Variants in NFAT5 observed in about 807,000 individuals in gnomAD.
The protein encoded by NFAT5 is nuclear factor of activated T cells 5, also known as nuclear factor of activated T-cells 5.
A neutral mutation model predicts 166.5 loss-of-function variants in NFAT5; 31 were observed. The observed-to-expected ratio is 0.19, with a 90% CI of 0.14 to 0.25. The LOEUF (loss-of-function observed/expected upper bound fraction) is 0.25. Among genes scored for constraint, NFAT5 ranks in the 10% least tolerant of loss-of-function variants. The pLI, the probability that NFAT5 is intolerant of heterozygous loss-of-function variation, is 1.00. For synonymous variants in NFAT5, 612 were observed against 639.7 expected (o/e 0.96, Z 0.65); for missense variants, 1,449 against 1,821.8 (o/e 0.80, Z 3.72).
chr16:69,681,178 A>C (rs2037044405), intron 10 of NFAT5, among the ~76,000 whole-genome samples: 2 of 152,206 alleles, frequency 1.3e-5, no homozygotes. Context: ...CTATCTCAGT[A>C]TGACAAACTA....
At chr16:69,582,681 T>C (rs2031776062) in intron 2 of NFAT5, among the ~76,000 whole-genome samples, 1 of 151,334 alleles carries the variant, frequency 6.6e-6, no homozygotes, top group Non-Finnish European at 1.5e-5. Flanking sequence ...TGTATGGCTT[T>C]TTTTTTTTTT....
intron 2 of NFAT5, among the ~76,000 whole-genome samples, chr16:69,584,811 G>T (rs2031937652): frequency 6.6e-6 from 1 of 151,996 alleles, no homozygotes; most frequent in South Asian, 2.1e-4. Context: ...TTTTGGTGGT[G>T]GATGCACAGC....
chr16:69,604,295 A>C (rs1395467547), intron 2 of NFAT5, among the ~76,000 whole-genome samples: 1 of 152,174 alleles, frequency 6.6e-6, no homozygotes, highest in Non-Finnish European at 1.5e-5. Flanking sequence ...AGGATCTAGC[A>C]CTGCTCTTGG....
intron 4 of NFAT5, chr16:69,648,937 A>G (rs147659823): frequency 2.1e-6 from 2 of 974,382 alleles, no homozygotes; most frequent in Admixed American, 6.2e-5. Flanking sequence ...CCTTTAAGCA[A>G]TAATTACTCT....
intron 8 of NFAT5, 26 bp from the exon 9 acceptor site, chr16:69,670,210 A>C: frequency 1.3e-6 from 2 of 1,505,854 alleles, no homozygotes; most frequent in Non-Finnish European, 1.8e-6. Context: ...TCAAAAATTT[A>C]ATAAATCACT....
intron 1 of NFAT5, among the ~76,000 whole-genome samples, chr16:69,568,078 C>G (rs1197378132): frequency 6.6e-6 from 1 of 152,020 alleles, no homozygotes; most frequent in Non-Finnish European, 1.5e-5. Context: ...TGTGGGAGGC[C>G]GAGGCAGTTG....
chr16:69,640,818 C>T (rs1401470042), intron 3 of NFAT5, among the ~76,000 whole-genome samples: 4 of 151,698 alleles, frequency 2.6e-5, no homozygotes, highest in Non-Finnish European at 5.9e-5. Context: ...CCTGTCTCTA[C>T]TAAAAATACA....
intron 3 of NFAT5, among the ~76,000 whole-genome samples, chr16:69,645,913 C>T (rs1024822993): frequency 1.3e-5 from 2 of 152,142 alleles, no homozygotes; most frequent in South Asian, 2.1e-4. Flanking sequence ...ATTTTCAGTG[C>T]GCTATTCTGC....
chr16:69,614,541 T>C (rs576904492), intron 2 of NFAT5, among the ~76,000 whole-genome samples: 4 of 152,244 alleles, frequency 2.6e-5, no homozygotes, highest in Non-Finnish European at 5.9e-5. Flanking sequence ...GTTGTGAATA[T>C]AGTGCAAATA....
At chr16:69,577,764 G>A (rs979240158) in intron 2 of NFAT5, among the ~76,000 whole-genome samples, 1 of 152,194 alleles carries the variant, frequency 6.6e-6, no homozygotes. Context: ...TTTAAAATGG[G>A]TGCATTTCTA....
intron 10 of NFAT5, among the ~76,000 whole-genome samples, chr16:69,683,443 A>T (rs1399629095): frequency 6.6e-6 from 1 of 151,928 alleles, no homozygotes; most frequent in Non-Finnish European, 1.5e-5. Context: ...GAGGTGGGTG[A>T]TGGCTTGAGC....
chr16:69,629,487 T>C (rs1338364663), intron 3 of NFAT5, among the ~76,000 whole-genome samples: 1 of 152,142 alleles, frequency 6.6e-6, no homozygotes, highest in Non-Finnish European at 1.5e-5. Flanking sequence ...ATCAATAATA[T>C]ATTTTAGTCC....
intron 4 of NFAT5, among the ~76,000 whole-genome samples, chr16:69,652,762 C>T (rs534565414): frequency 1.9e-4 from 19 of 101,128 alleles, no homozygotes; most frequent in South Asian, 1.4e-3. Context: ...TTTTTGTTTT[C>T]GCTACCCTCA....
At chr16:69,595,306 G>C (rs377441500) in intron 2 of NFAT5, among the ~76,000 whole-genome samples, 3 of 152,268 alleles carry the variant, frequency 2.0e-5, no homozygotes, top group African/African-American at 7.2e-5. Flanking sequence ...CCGATGTGAT[G>C]ATATTAAGTG....
chr16:69,663,707 A>G (rs1049919860), intron 7 of NFAT5, among the ~76,000 whole-genome samples: 2 of 151,946 alleles, frequency 1.3e-5, no homozygotes, highest in Non-Finnish European at 2.9e-5. Context: ...CCATCTCCAC[A>G]CACAAAAAAA....
intron 11 of NFAT5, chr16:69,685,190 ATT>A (rs199580192): frequency 0.17 from 19,109 of 113,876 alleles, 1,352 homozygotes; most frequent in East Asian, 0.42. Context: ...ATATATATAT[ATT>A]TTTTTTTTTA....
intron 2 of NFAT5, among the ~76,000 whole-genome samples, chr16:69,600,777 A>AG (rs1490057900): frequency 6.6e-6 from 1 of 151,252 alleles, no homozygotes; most frequent in Non-Finnish European, 1.5e-5. Context: ...AAAAAAAAAA[A>AG]AAGGCTCCTG....
At chr16:69,615,557 TAC>T (rs375592766) in intron 2 of NFAT5, among the ~76,000 whole-genome samples, 11 of 151,974 alleles carry the variant, frequency 7.2e-5, no homozygotes, top group East Asian at 1.9e-4. Context: ...TATATGTCTG[TAC>T]ACACACACAC....
chr16:69,637,089 C>T (rs896122345), intron 3 of NFAT5, among the ~76,000 whole-genome samples: 7 of 152,168 alleles, frequency 4.6e-5, no homozygotes, highest in African/African-American at 1.7e-4. Context: ...TAAATCATCC[C>T]TCTCAAGTTC....
Sources: allele counts gnomAD v4.1 joint callset (sites outside exome capture counted in the v4.1 genomes callset), GRCh38; gene constraint gnomAD v4.1.1; transcripts MANE v1.5; gene names NCBI Gene and HGNC (gene_info 2026-07-23, HGNC 2026-07-21).